Variants in SHISA9 observed in about 807,000 individuals in gnomAD.
SHISA9 encodes the protein shisa family member 9.
Under a neutral mutation model 38.0 loss-of-function variants are expected in SHISA9, and 13 were observed. The observed-to-expected ratio is 0.34, with a 90% CI of 0.22 to 0.54. SHISA9 has a LOEUF of 0.54. SHISA9 is among the 20% of genes least tolerant of loss of function. The probability of loss-of-function intolerance (pLI) is 0.91; values close to 1 mark genes in which losing one functional copy is unlikely to be tolerated. For synonymous variants in SHISA9, 275 were observed against 242.0 expected, an observed-to-expected ratio of 1.14 and a Z score of -1.27; for missense variants, 538 against 575.8, an observed-to-expected ratio of 0.93 and a Z score of 0.67.
At chr16:13,357,548 C>A in the SHISA9 span, among the ~76,000 whole-genome samples, 6 of 152,114 alleles carry the variant, frequency 3.9e-5, no homozygotes, top group African/African-American at 1.4e-4. Flanking sequence ...TAAGGGAGGT[C>A]CCCCGATCCG....
At chr16:13,094,519 A>C (rs1390367876) in intron 2 of SHISA9, among the ~76,000 whole-genome samples, 1 of 152,218 alleles carries the variant, frequency 6.6e-6, no homozygotes, top group Non-Finnish European at 1.5e-5. Context: ...ACTGTGCCTA[A>C]AATAGAAAAA....
chr16:13,432,900 C>A, the SHISA9 span, among the ~76,000 whole-genome samples: 3 of 151,616 alleles, frequency 2.0e-5, no homozygotes, highest in Non-Finnish European at 2.9e-5. Flanking sequence ...AACAACATAC[C>A]CTGGGGTCTA....
chr16:12,991,436 A>G (rs551982851), intron 2 of SHISA9, among the ~76,000 whole-genome samples: 2 of 152,176 alleles, frequency 1.3e-5, no homozygotes, highest in Non-Finnish European at 2.9e-5. Context: ...TATTCTTTGA[A>G]GATGAAAACA....
At chr16:13,163,699 C>T (rs1423915743) in intron 2 of SHISA9, among the ~76,000 whole-genome samples, 1 of 151,902 alleles carries the variant, frequency 6.6e-6, no homozygotes, top group Non-Finnish European at 1.5e-5. Flanking sequence ...TTGTACAGGC[C>T]TTGCACATCT....
At chr16:13,018,728 A>G (rs1431635433) in intron 2 of SHISA9, among the ~76,000 whole-genome samples, 3 of 152,150 alleles carry the variant, frequency 2.0e-5, no homozygotes, top group Non-Finnish European at 4.4e-5. Context: ...AACTTTGGCG[A>G]CACAAATTTG....
chr16:13,020,423 G>A (rs900523432), intron 2 of SHISA9, among the ~76,000 whole-genome samples: 1 of 152,042 alleles, frequency 6.6e-6, no homozygotes, highest in Admixed American at 6.6e-5. Flanking sequence ...ATGTGTTCTC[G>A]TCATTTAGCT....
At chr16:13,334,773 CAAAAAA>C in the SHISA9 span, among the ~76,000 whole-genome samples, 15 of 97,650 alleles carry the variant, frequency 1.5e-4, no homozygotes, top group East Asian at 3.6e-3. Context: ...GACTCCATCT[CAAAAAA>C]AAAAAAAAAA....
At chr16:13,337,717 G>A in the SHISA9 span, among the ~76,000 whole-genome samples, 1 of 152,190 alleles carries the variant, frequency 6.6e-6, no homozygotes, top group African/African-American at 2.4e-5. Flanking sequence ...CTGCAGTGTT[G>A]GAGGAGGGGC....
At chr16:13,495,608 AC>A in the SHISA9 span, among the ~76,000 whole-genome samples, 2 of 152,016 alleles carry the variant, frequency 1.3e-5, no homozygotes, top group African/African-American at 4.8e-5. Flanking sequence ...AATATATGTT[AC>A]TTTTGTAATC....
chr16:13,532,433 G>T, the SHISA9 span, among the ~76,000 whole-genome samples: 4 of 152,128 alleles, frequency 2.6e-5, no homozygotes, highest in Admixed American at 1.3e-4. Flanking sequence ...CAGAGCAGAG[G>T]TTCCAGACTC....
chr16:12,951,220 C>CA lies in SHISA9; in HGVS notation c.691+34405_691+34406insA, dbSNP rs1567350239. ...TGGGTGACAGAGCAAGACTCCTTCTCCAAAAAAAAAAAAAAAAAAAAAAAA... is the reference window on the plus strand; with the variant it reads ...TGGGTGACAGAGCAAGACTCCTTCTCACAAAAAAAAAAAAAAAAAAAAAAAA... On this transcript the variant is annotated intron_variant, in intron 2 of 4. Transcript: ENST00000558583. 3.1e-4 allele frequency among the ~76,000 whole-genome samples: 24 copies of CA among 77,658 alleles called. 3 individuals carry two copies. Among genetic ancestry groups the CA allele is most frequent in the East Asian group, 8.5e-4 (2 of 2,340 alleles). The allele number at this position is 77,658 out of a possible 152,430, so 50.9% of individuals were successfully genotyped here. A position where few individuals can be genotyped will look rare whatever the true frequency, so the allele number is the denominator to read the frequency against.
chr16:13,474,036 A>G, the SHISA9 span, among the ~76,000 whole-genome samples: 1 of 152,204 alleles, frequency 6.6e-6, no homozygotes, highest in African/African-American at 2.4e-5. Context: ...AGCCCTAACA[A>G]GAAGGATGAA....
chr16:13,064,784 CAAAAAA>C (rs72435637), intron 2 of SHISA9, among the ~76,000 whole-genome samples: 1 of 82,400 alleles, frequency 1.2e-5, no homozygotes, highest in Admixed American at 1.1e-4. Context: ...AGTTGTAAGG[CAAAAAA>C]AAAAAAAAAA....
At chr16:13,464,649 A>G in the SHISA9 span, among the ~76,000 whole-genome samples, 2 of 152,162 alleles carry the variant, frequency 1.3e-5, no homozygotes, top group African/African-American at 4.8e-5. Flanking sequence ...AGCAACCGGA[A>G]ATTTTCCCGT....
the SHISA9 span, among the ~76,000 whole-genome samples, chr16:13,544,401 T>C: frequency 6.8e-6 from 1 of 147,876 alleles, no homozygotes. Flanking sequence ...TTTTCGGTTT[T>C]TTGTTTTTTC....
chr16:12,907,190 C>T (rs1291426158), intron 1 of SHISA9, among the ~76,000 whole-genome samples: 2 of 130,912 alleles, frequency 1.5e-5, no homozygotes, highest in Admixed American at 7.6e-5. Context: ...CCTTCCCTCC[C>T]TCCGTCCCTC....
At position 13,238,970 on chromosome 16, in the gene SHISA9, T is replaced by A. The variant is rs187425365; in HGVS notation, c.*3561T>A. ...ATTTAGCATTAGCTATATCTCCTAA[T>A]GCTATCCCTCCCCCCTCCCCCCACC... is the stretch of plus-strand genomic sequence containing the variant. On this transcript the variant is annotated 3_prime_UTR_variant, in exon 5 of 5. Coordinates refer to ENST00000558583, the MANE Select transcript of SHISA9 (RefSeq NM_001145204.3). 1.5e-4 allele frequency: 21 copies of A among 137,990 alleles called. No individual in the cohort carries two copies. The highest frequency in any genetic ancestry group is 3.0e-4 in the Non-Finnish European group (19 of 64,246). The allele number at this position is 137,990 out of a possible 1,614,324, so 8.5% of individuals were successfully genotyped here.
intron 2 of SHISA9, among the ~76,000 whole-genome samples, chr16:13,031,783 T>C (rs1023044425): frequency 6.6e-6 from 1 of 152,240 alleles, no homozygotes; most frequent in African/African-American, 2.4e-5. Flanking sequence ...CAAGTGAGAT[T>C]GATATATCAG....
chr16:13,224,599 C>T (rs2051261077), intron 4 of SHISA9, among the ~76,000 whole-genome samples: 1 of 152,212 alleles, frequency 6.6e-6, no homozygotes, highest in South Asian at 2.1e-4. Flanking sequence ...GTTGAGGATA[C>T]AGCAGTGAGC....
Sources: gnomAD v4.1 joint callset for allele counts (sites outside exome capture counted in the v4.1 genomes callset) on GRCh38, gnomAD v4.1.1 for gene constraint, MANE v1.5 for transcripts, NCBI Gene and HGNC (gene_info 2026-07-23, HGNC 2026-07-21) for gene names.